The following DNAJC5B variants were observed in gnomAD, a reference collection of about 807,000 sequenced individuals.
DNAJC5B encodes the protein DnaJ heat shock protein family (Hsp40) member C5 beta, also known as dnaJ homolog subfamily C member 5B.
A neutral mutation model predicts 24.7 loss-of-function variants in DNAJC5B; 23 were observed. The observed-to-expected ratio is 0.93, with a 90% confidence interval of 0.67 to 1.32. The LOEUF is 1.32. DNAJC5B is among the 40% of genes most tolerant of loss of function. The probability of loss-of-function intolerance (pLI) is 0.00; values close to 1 mark genes in which losing one functional copy is unlikely to be tolerated. For synonymous variants in DNAJC5B, 101 were observed against 90.1 expected (o/e 1.12, Z -0.68); for missense variants, 238 against 240.8 (o/e 0.99, Z 0.08).
rs202091301 is a variant in DNAJC5B, at chr8:66,058,567, T to TA, written c.119+6907dup. Among the ~76,000 whole-genome samples the TA allele has an allele frequency of 3.3e-4, 51 of 152,286 alleles. No homozygotes were observed. The East Asian group carries it at 9.1e-3, about 27-fold the overall frequency. ...TGGACGGGAAAGGGACAGTGTTCTC[T>TA]AAAAAAGGGGACAAAGTTGGGAAAG... is the stretch of plus-strand genomic sequence containing the variant. On this transcript the variant is annotated intron_variant, in intron 3 of 5. Coordinates refer to ENST00000276570, the MANE Select transcript of DNAJC5B (RefSeq NM_033105.6).
At chr8:66,049,172 G>A (rs1424462718) in intron 2 of DNAJC5B, among the ~76,000 whole-genome samples, 1 of 152,228 alleles carries the variant, frequency 6.6e-6, no homozygotes, top group African/African-American at 2.4e-5. Context: ...AATCCCAGAA[G>A]ATTGTAATGG....
At chr8:66,032,660 C>T (rs928718033) in intron 1 of DNAJC5B, among the ~76,000 whole-genome samples, 4 of 152,180 alleles carry the variant, frequency 2.6e-5, no homozygotes, top group African/African-American at 9.7e-5. Flanking sequence ...TCCTCAAAAT[C>T]TGCCCATCAA....
rs149525453 is a variant in DNAJC5B at position 66,088,819 on chromosome 8, T to C, written c.505+8271T>C. On this transcript the variant is annotated intron_variant, in intron 5 of 5. Transcript: ENST00000276570. Reference sequence around the variant, plus strand: ...TGAGACCACCTCAGCCTGGACTTCATTGTTCATATCACTATCAGCATTTTG... The same window carrying C: ...TGAGACCACCTCAGCCTGGACTTCACTGTTCATATCACTATCAGCATTTTG... 1.8e-3 allele frequency among the ~76,000 whole-genome samples: 274 copies of C among 152,270 alleles called. 1 individual carries two copies. The highest frequency in any genetic ancestry group is 3.4e-3 in the Middle Eastern group (1 of 294).
At chr8:66,034,348 AGTGCCAG>A (rs1343897374) in intron 1 of DNAJC5B, among the ~76,000 whole-genome samples, 1 of 152,032 alleles carries the variant, frequency 6.6e-6, no homozygotes, top group Non-Finnish European at 1.5e-5. Flanking sequence ...CTGGGTCTGC[AGTGCCAG>A]CATTCACCCC....
At chr8:66,064,716 G>GATT (rs1807153046) in intron 3 of DNAJC5B, among the ~76,000 whole-genome samples, 1 of 152,186 alleles carries the variant, frequency 6.6e-6, no homozygotes, top group Non-Finnish European at 1.5e-5. Context: ...GTTGGAAAAG[G>GATT]ATTATATTAT....
intron 5 of DNAJC5B, among the ~76,000 whole-genome samples, chr8:66,081,236 G>C (rs887227782): frequency 3.9e-5 from 6 of 152,100 alleles, no homozygotes; most frequent in Admixed American, 1.3e-4. Context: ...GATCTCACAG[G>C]ATTCACAGCA....
chr8:66,051,748 C>T, intron 3 of DNAJC5B, 82 bp downstream of exon 3: 2 of 1,073,586 alleles, frequency 1.9e-6, no homozygotes, highest in Non-Finnish European at 2.8e-6. Flanking sequence ...AAGACATAAG[C>T]TTCTCACTAA....
At chr8:66,038,239 A>G (rs1485460188) in intron 1 of DNAJC5B, among the ~76,000 whole-genome samples, 2 of 152,246 alleles carry the variant, frequency 1.3e-5, no homozygotes, top group Non-Finnish European at 2.9e-5. Flanking sequence ...GCACCTATTA[A>G]TAATATCAAA....
chr8:66,083,966 G>A (rs1186142592), intron 5 of DNAJC5B, among the ~76,000 whole-genome samples: 2 of 152,134 alleles, frequency 1.3e-5, no homozygotes, highest in Admixed American at 6.5e-5. Context: ...TGAACACATC[G>A]TTAGGGCCCC....
intron 1 of DNAJC5B, among the ~76,000 whole-genome samples, chr8:66,035,457 T>C (rs955213284): frequency 2.0e-5 from 3 of 152,090 alleles, no homozygotes; most frequent in Admixed American, 2.0e-4. Flanking sequence ...GGAGTCCTCC[T>C]TAGAAAAGGA....
intron 2 of DNAJC5B, among the ~76,000 whole-genome samples, chr8:66,049,022 T>C (rs1443316922): frequency 1.3e-5 from 2 of 152,214 alleles, no homozygotes; most frequent in African/African-American, 4.8e-5. Context: ...TGAACACTAG[T>C]TTCATTTTGG....
chr8:66,089,251 C>T (rs1239863506), intron 5 of DNAJC5B, among the ~76,000 whole-genome samples: 2 of 152,122 alleles, frequency 1.3e-5, no homozygotes, highest in East Asian at 3.8e-4. Context: ...CTTGTAATAA[C>T]TCACTATCAA....
rs778579026 is a variant in DNAJC5B at position 66,100,027 on chromosome 8, C to T, written c.596C>T (p.Ser199Phe). The change falls in exon 6 of 6, where the codon TCT (serine) becomes TTT (phenylalanine). Residue 199 changes from serine (S) to phenylalanine (F), a missense_variant. By Grantham distance (155) the Ser-to-Phe change is radical. Transcript: ENST00000276570. ...KEGSRSYCTD[S>F] ...GGATCTCGAAGTTATTGCACAGACT[C>T]TTGATATTGAGCCCTCAGAGAGTCC... 7 of 1,613,584 alleles carry T rather than the reference C, an allele frequency of 4.3e-6. No individual in the cohort carries two copies. In the African/African-American group the frequency reaches 9.3e-5, roughly 22 times the overall value.
intron 5 of DNAJC5B, among the ~76,000 whole-genome samples, chr8:66,097,672 C>T (rs1182040663): frequency 6.6e-6 from 1 of 151,624 alleles, no homozygotes; most frequent in Non-Finnish European, 1.5e-5. Context: ...CTTTATCATG[C>T]TCTTTTAAAA....
At chr8:66,028,327 C>T (rs1320072552) in intron 1 of DNAJC5B, among the ~76,000 whole-genome samples, 1 of 152,176 alleles carries the variant, frequency 6.6e-6, no homozygotes, top group African/African-American at 2.4e-5. Context: ...GCAAATAATT[C>T]ACTTTGCTTC....
chr8:66,020,829 G>A (rs1806102139), upstream of DNAJC5B, among the ~76,000 whole-genome samples: 1 of 151,930 alleles, frequency 6.6e-6, no homozygotes, highest in Non-Finnish European at 1.5e-5. Context: ...GTAGAGATAG[G>A]GTCTCACTAT....
chr8:66,071,906 G>A (rs1234246083), intron 3 of DNAJC5B, among the ~76,000 whole-genome samples: 2 of 152,072 alleles, frequency 1.3e-5, no homozygotes, highest in African/African-American at 4.8e-5. Flanking sequence ...GCAGGGACAT[G>A]GATGAAGCTG....
chr8:66,085,227 G>A (rs1392559301), intron 5 of DNAJC5B, among the ~76,000 whole-genome samples: 3 of 152,164 alleles, frequency 2.0e-5, no homozygotes, highest in Non-Finnish European at 4.4e-5. Context: ...ATCGCTTGAG[G>A]CCAGGAGTTC....
chr8:66,062,626 A>G (rs1038060895), intron 3 of DNAJC5B, among the ~76,000 whole-genome samples: 6 of 152,234 alleles, frequency 3.9e-5, no homozygotes, highest in African/African-American at 1.4e-4. Flanking sequence ...GTAAGAAATC[A>G]TGCAAAGATC....
Sources: allele counts gnomAD v4.1 joint callset (sites outside exome capture counted in the v4.1 genomes callset), GRCh38; gene constraint gnomAD v4.1.1; transcripts MANE v1.5; gene names NCBI Gene and HGNC (gene_info 2026-07-23, HGNC 2026-07-21).